SYTL5: variants seen among roughly 807,000 people sequenced by gnomAD.
SYTL5 encodes synaptotagmin-like protein 5.
Under a neutral mutation model 55.9 loss-of-function variants are expected in SYTL5, and 34 were observed. The ratio of observed to expected loss-of-function variants is 0.61; its 90% CI spans 0.46 to 0.81. The LOEUF is 0.81. Ranked by LOEUF, SYTL5 falls within the 30% of genes least tolerant of loss-of-function variation. SYTL5 has a pLI of 0.00. For missense variants in SYTL5, 637 were observed against 546.7 expected (o/e 1.17, Z -1.65); for synonymous variants, 221 against 188.7 (o/e 1.17, Z -1.40).
the SYTL5 span, among the ~76,000 whole-genome samples, chrX:37,904,439 G>C: frequency 9.1e-6 from 1 of 110,474 alleles, no homozygotes; most frequent in African/African-American, 3.3e-5. Flanking sequence ...AATAGAGGTA[G>C]AAAAACTGAA....
Position 38,126,964 on chromosome X carries a change from T to G in SYTL5, c.*234T>G. The G allele has an allele frequency of 2.9e-6, 1 of 347,376 alleles. No homozygotes were observed. The highest frequency in any genetic ancestry group is 8.5e-5 in the South Asian group (1 of 11,790). 28.6% of individuals were successfully genotyped at this position (347,376 alleles called of 1,213,427 possible). Reference sequence around the variant, plus strand: ...GATTGGATGATAGAAAGTGTACTACTTGTCCTGTCAACAAGCAAATTGTGC... The same window carrying G: ...GATTGGATGATAGAAAGTGTACTACGTGTCCTGTCAACAAGCAAATTGTGC... On this transcript the variant is annotated 3_prime_UTR_variant, in exon 17 of 17. Transcript: ENST00000297875.
At chrX:38,100,762 C>T (rs1318510712) in intron 9 of SYTL5, among the ~76,000 whole-genome samples, 9 of 110,873 alleles carry the variant, frequency 8.1e-5, no homozygotes, top group Non-Finnish European at 1.5e-4. Context: ...TAGATAAGCA[C>T]GTGGAGATAT....
chrX:38,008,565 G>C (rs1299981010), intron 1 of SYTL5, among the ~76,000 whole-genome samples: 1 of 111,636 alleles, frequency 9.0e-6, no homozygotes, highest in Non-Finnish European at 1.9e-5. Flanking sequence ...GGAGCTCCTA[G>C]AGGAACAAAA....
chrX:38,080,933 C>T (rs935183581), intron 6 of SYTL5, among the ~76,000 whole-genome samples: 1 of 111,549 alleles, frequency 9.0e-6, no homozygotes, highest in Non-Finnish European at 1.9e-5. Context: ...GTCTGTTTTG[C>T]GTATTAGATA....
At chrX:38,013,600 A>G (rs1436375186) in intron 1 of SYTL5, among the ~76,000 whole-genome samples, 1 of 111,833 alleles carries the variant, frequency 8.9e-6, no homozygotes, top group Non-Finnish European at 1.9e-5. Context: ...CAAGATTTAA[A>G]CCAGAGTTCC....
chrX:38,091,163 G>A (rs897980887), intron 7 of SYTL5, among the ~76,000 whole-genome samples: 2 of 111,847 alleles, frequency 1.8e-5, no homozygotes. Context: ...AGCCAGAAAA[G>A]CAATCAGTAA....
intron 13 of SYTL5, among the ~76,000 whole-genome samples, chrX:38,114,643 A>G (rs1246032212): frequency 8.9e-6 from 1 of 112,243 alleles, no homozygotes; most frequent in African/African-American, 3.2e-5. Flanking sequence ...AATCTAGTTA[A>G]CATATATATT....
rs61288420 is a variant in SYTL5, at chrX:38,118,920, A to AAT, written c.1597-1419_1597-1418dup. ...CAGGTGCATGCCACCATGCCCAGCT[A>AAT]ATATATATATATATATATATGTACG... On this transcript the variant is annotated intron_variant, in intron 13 of 16. Coordinates refer to ENST00000297875, the MANE Select transcript of SYTL5 (RefSeq NM_138780.3). Among the ~76,000 whole-genome samples, 814 of 88,981 alleles carry AAT rather than the reference A, an allele frequency of 9.1e-3. 6 individuals carry two copies. The highest frequency in any genetic ancestry group is 0.049 in the Middle Eastern group (9 of 185). 77.3% of individuals were successfully genotyped at this position (88,981 alleles called of 115,157 possible).
upstream of SYTL5, among the ~76,000 whole-genome samples, chrX:38,004,304 T>C (rs1401984597): frequency 8.9e-6 from 1 of 111,733 alleles, no homozygotes; most frequent in East Asian, 2.8e-4. Context: ...GTTTTGTTTT[T>C]GTTGTTTCAT....
the SYTL5 span, among the ~76,000 whole-genome samples, chrX:37,968,422 G>T: frequency 9.0e-6 from 1 of 111,421 alleles, no homozygotes; most frequent in African/African-American, 3.3e-5. Flanking sequence ...CTGGTGAAAA[G>T]GGTTTGAAAG....
the SYTL5 span, among the ~76,000 whole-genome samples, chrX:37,943,309 C>G: frequency 9.0e-6 from 1 of 111,707 alleles, no homozygotes; most frequent in Non-Finnish European, 1.9e-5. Flanking sequence ...TTTAAGGACT[C>G]TTGCTAAAGA....
At chrX:38,061,722 A>G (rs1347523583) in intron 3 of SYTL5, among the ~76,000 whole-genome samples, 1 of 111,574 alleles carries the variant, frequency 9.0e-6, no homozygotes, top group African/African-American at 3.3e-5. Flanking sequence ...CAAGTTGGCT[A>G]TTGTAAGCCT....
At chrX:37,970,372 A>G in the SYTL5 span, among the ~76,000 whole-genome samples, 1 of 106,064 alleles carries the variant, frequency 9.4e-6, no homozygotes, top group East Asian at 2.9e-4. Flanking sequence ...TTTTTTTACC[A>G]AAAATACCTC....
At chrX:37,956,654 G>A in the SYTL5 span, among the ~76,000 whole-genome samples, 1 of 112,105 alleles carries the variant, frequency 8.9e-6, no homozygotes, top group African/African-American at 3.2e-5. Flanking sequence ...ATATTCAATT[G>A]TATTTATATA....
chrX:37,986,923 T>C, the SYTL5 span, among the ~76,000 whole-genome samples: 1 of 111,827 alleles, frequency 8.9e-6, no homozygotes, highest in Admixed American at 9.5e-5. Flanking sequence ...AACATGCAGG[T>C]TTGTTACATA....
intron 6 of SYTL5, among the ~76,000 whole-genome samples, chrX:38,086,062 C>G (rs1936654902): frequency 9.0e-6 from 1 of 111,604 alleles, no homozygotes; most frequent in Non-Finnish European, 1.9e-5. Context: ...AAAACCATAA[C>G]CGCTTGCAAA....
the SYTL5 span, among the ~76,000 whole-genome samples, chrX:37,933,011 A>G: frequency 4.7e-4 from 52 of 111,455 alleles, no homozygotes; most frequent in African/African-American, 1.6e-3. Context: ...GTTATGGCCT[A>G]CAAGTGGAAC....
At chrX:37,984,466 GAAAT>G in the SYTL5 span, among the ~76,000 whole-genome samples, 1 of 111,906 alleles carries the variant, frequency 8.9e-6, no homozygotes, top group East Asian at 2.8e-4. Context: ...CTTCTTCTAA[GAAAT>G]AAATAGATTG....
the SYTL5 span, among the ~76,000 whole-genome samples, chrX:37,921,679 T>A: frequency 1.8e-5 from 2 of 111,825 alleles, no homozygotes; most frequent in East Asian, 5.6e-4. Flanking sequence ...ACTTAGTAAA[T>A]ACTAAATAAG....
Sources: allele counts gnomAD v4.1 joint callset (sites outside exome capture counted in the v4.1 genomes callset), GRCh38; gene constraint gnomAD v4.1.1; transcripts MANE v1.5; gene names NCBI Gene and HGNC (gene_info 2026-07-23, HGNC 2026-07-21).